The following KSR2 variants were observed in gnomAD, a reference collection of about 807,000 sequenced individuals.
KSR2 encodes the protein kinase suppressor of ras 2.
A neutral mutation model predicts 107.8 loss-of-function variants in KSR2; 25 were observed. The ratio of observed to expected loss-of-function variants is 0.23; its 90% CI spans 0.17 to 0.32. The LOEUF (loss-of-function observed/expected upper bound fraction) is 0.32, where lower values mean the gene tolerates loss of function less well. Among genes scored for constraint, KSR2 ranks in the 10% least tolerant of loss-of-function variants. The pLI is 1.00. For missense variants in KSR2, 887 were observed against 1,268.9 expected, an observed-to-expected ratio of 0.70 and a Z score of 4.57; for synonymous variants, 480 against 507.0, an observed-to-expected ratio of 0.95 and a Z score of 0.71.
chr12:117,595,351 C>CTTTTTTTTTTTTT (rs71099060), intron 5 of KSR2, among the ~76,000 whole-genome samples: 1 of 94,584 alleles, frequency 1.1e-5, no homozygotes, highest in Non-Finnish European at 1.9e-5. Context: ...AGATCAAATT[C>CTTTTTTTTTTTTT]TTTTTTTTTT....
At chr12:117,943,496 T>A (rs1896072722) in intron 1 of KSR2, among the ~76,000 whole-genome samples, 1 of 72,658 alleles carries the variant, frequency 1.4e-5, no homozygotes, top group Admixed American at 2.4e-4. Flanking sequence ...CTTATCCACC[T>A]AGCCAAAAAA....
intron 3 of KSR2, among the ~76,000 whole-genome samples, chr12:117,794,895 C>G (rs980202449): frequency 3.9e-5 from 6 of 152,210 alleles, no homozygotes; most frequent in Non-Finnish European, 8.8e-5. Context: ...GATTAGAGGG[C>G]TCTTGTCCAG....
At chr12:117,810,549 G>A (rs113288505) in intron 3 of KSR2, among the ~76,000 whole-genome samples, 36 of 152,306 alleles carry the variant, frequency 2.4e-4, no homozygotes, top group Non-Finnish European at 4.1e-4. Context: ...CTGGGCTCAA[G>A]AGATTCTCCT....
chr12:117,872,426 T>C (rs971864625), intron 1 of KSR2, among the ~76,000 whole-genome samples: 1 of 152,108 alleles, frequency 6.6e-6, no homozygotes, highest in African/African-American at 2.4e-5. Flanking sequence ...TAGTAAGGCA[T>C]GGTGCTGTGC....
intron 5 of KSR2, among the ~76,000 whole-genome samples, chr12:117,616,364 G>C (rs990572859): frequency 6.6e-6 from 1 of 152,114 alleles, no homozygotes; most frequent in East Asian, 1.9e-4. Flanking sequence ...TCACATATTT[G>C]AGAGTTTAAG....
chr12:117,949,923 A>AAC (rs1896310156), intron 1 of KSR2, among the ~76,000 whole-genome samples: 1 of 152,108 alleles, frequency 6.6e-6, no homozygotes, highest in Non-Finnish European at 1.5e-5. Flanking sequence ...CTAATTAATG[A>AAC]TAAATATACA....
chr12:117,819,654 C>CA (rs1566031195), intron 3 of KSR2, among the ~76,000 whole-genome samples: 1 of 151,960 alleles, frequency 6.6e-6, no homozygotes, highest in Non-Finnish European at 1.5e-5. Context: ...ATAGGTAATA[C>CA]AAAAATATTC....
intron 3 of KSR2, among the ~76,000 whole-genome samples, chr12:117,793,349 GCA>G (rs1271976245): frequency 3.1e-5 from 4 of 127,084 alleles, no homozygotes; most frequent in South Asian, 2.7e-4. Context: ...ACACCAGCAT[GCA>G]CACACCCTCA....
chr12:117,892,420 A>T (rs966333054), intron 1 of KSR2, among the ~76,000 whole-genome samples: 4 of 152,160 alleles, frequency 2.6e-5, no homozygotes, highest in Non-Finnish European at 4.4e-5. Context: ...CAATTCTTCC[A>T]TTGCTTTCTT....
At chr12:117,698,051 C>T (rs1886144862) in intron 4 of KSR2, among the ~76,000 whole-genome samples, 1 of 152,132 alleles carries the variant, frequency 6.6e-6, no homozygotes, top group African/African-American at 2.4e-5. Context: ...ACACCGAAGA[C>T]TGCCGGCACA....
chr12:117,528,384 G>A (rs561216498), intron 12 of KSR2, among the ~76,000 whole-genome samples: 168 of 152,170 alleles, frequency 1.1e-3, no homozygotes, highest in South Asian at 8.7e-3. Flanking sequence ...TGAGACAGGT[G>A]AGAAAAAAGA....
In KSR2 at chr12:117,667,236, C is replaced by A. The variant is rs574817812; in HGVS notation, c.1171+238G>T. ...AGGAACTGGGGACCAACGACAACAC[C>A]CAGTCAACCTCCCCAGCGTCAGTTA... On this transcript the variant is annotated intron_variant, in intron 5 of 19. Transcript: ENST00000339824. Among the ~76,000 whole-genome samples the A allele has an allele frequency of 2.6e-5, 4 of 152,280 alleles. No individual in the cohort carries two copies. The East Asian group carries it at 7.7e-4, about 29-fold the overall frequency.
intron 1 of KSR2, among the ~76,000 whole-genome samples, chr12:117,957,829 A>AC (rs1305797751): frequency 1.9e-5 from 2 of 104,112 alleles, no homozygotes; most frequent in Admixed American, 1.2e-4. Flanking sequence ...CAGGCTGACC[A>AC]CCTTTTTTTT....
rs567081532 is a variant in KSR2, at chr12:117,925,232, T to C, written c.180+42844A>G. On this transcript the variant is annotated intron_variant, in intron 1 of 19. Coordinates refer to ENST00000339824, the MANE Select transcript of KSR2 (RefSeq NM_173598.6). ...TCCACCTCCCAGGCTCAAGCAGTCCTCCCACCTCAGCCTCCTAAGTAGCTG... is the reference window on the plus strand; with the variant it reads ...TCCACCTCCCAGGCTCAAGCAGTCCCCCCACCTCAGCCTCCTAAGTAGCTG... 1.5e-3 allele frequency among the ~76,000 whole-genome samples: 232 copies of C among 151,512 alleles called. 2 individuals carry two copies. The highest frequency in any genetic ancestry group is 5.5e-3 in the African/African-American group (226 of 41,336).
At chr12:117,834,359 A>C (rs970496086) in intron 3 of KSR2, among the ~76,000 whole-genome samples, 1 of 144,478 alleles carries the variant, frequency 6.9e-6, no homozygotes, top group African/African-American at 2.6e-5. Context: ...TTTCCAGGGC[A>C]CCGTATGTTA....
chr12:117,539,599 T>C, intron 10 of KSR2, 120 bp downstream of exon 10: 1 of 940,152 alleles, frequency 1.1e-6, no homozygotes, highest in Non-Finnish European at 1.5e-6. Context: ...CTCTGGTCAT[T>C]GACCCATTCG....
intron 3 of KSR2, among the ~76,000 whole-genome samples, chr12:117,848,849 GAT>G (rs1892814677): frequency 6.6e-6 from 1 of 151,054 alleles, no homozygotes; most frequent in Non-Finnish European, 1.5e-5. Context: ...TGGTGATGGT[GAT>G]GATGGTGATG....
chr12:117,544,246 T>A (rs1876698962), intron 9 of KSR2, among the ~76,000 whole-genome samples: 1 of 152,202 alleles, frequency 6.6e-6, no homozygotes, highest in Non-Finnish European at 1.5e-5. Flanking sequence ...TACACCAAAG[T>A]ATTTCCATTT....
At chr12:117,694,256 G>A (rs1324633200) in intron 4 of KSR2, among the ~76,000 whole-genome samples, 1 of 152,202 alleles carries the variant, frequency 6.6e-6, no homozygotes, top group Non-Finnish European at 1.5e-5. Context: ...GCCAGGTGGA[G>A]ATAACTGAAT....
Sources: allele counts gnomAD v4.1 joint callset (sites outside exome capture counted in the v4.1 genomes callset), GRCh38; gene constraint gnomAD v4.1.1; transcripts MANE v1.5; gene names NCBI Gene and HGNC (gene_info 2026-07-23, HGNC 2026-07-21).